IGF2BP2: variants seen among roughly 807,000 people sequenced by gnomAD.
The protein encoded by IGF2BP2 is insulin like growth factor 2 mRNA binding protein 2.
Under a neutral mutation model 75.8 loss-of-function variants are expected in IGF2BP2, and 17 were observed. That is an observed-to-expected ratio of 0.22 (90% confidence interval 0.15 to 0.34). IGF2BP2 has a LOEUF of 0.34. IGF2BP2 is among the 10% of genes least tolerant of loss of function. The pLI is 1.00. For missense variants in IGF2BP2, 516 were observed against 772.4 expected (o/e 0.67, Z 3.93); for synonymous variants, 288 against 295.6 (o/e 0.97, Z 0.26).
chr3:185,792,157 A>C (rs941128846), intron 2 of IGF2BP2, among the ~76,000 whole-genome samples: 3 of 152,334 alleles, frequency 2.0e-5, no homozygotes, highest in African/African-American at 7.2e-5. Flanking sequence ...TCACAGACAA[A>C]TCATCAAGTT....
At chr3:185,664,840 A>G (rs1717034198) in intron 10 of IGF2BP2, among the ~76,000 whole-genome samples, 1 of 152,196 alleles carries the variant, frequency 6.6e-6, no homozygotes, top group Non-Finnish European at 1.5e-5. Flanking sequence ...AGGAGAAAAT[A>G]AAGTGGATGG....
chr3:185,714,785 C>G (rs1351970892), intron 2 of IGF2BP2, among the ~76,000 whole-genome samples: 2 of 152,174 alleles, frequency 1.3e-5, no homozygotes, highest in African/African-American at 4.8e-5. Flanking sequence ...CCATCCCTAT[C>G]AAAAAGCAAA....
In IGF2BP2 at chr3:185,689,526, G is replaced by C; in HGVS notation, c.506C>G (p.Ala169Gly). The change falls in exon 6 of 16, where the codon GCC becomes GGC. Residue 169 changes from alanine to glycine, a missense_variant. By Grantham distance (60) the Ala-to-Gly change is moderately conservative. Transcript: ENST00000382199. ...EVSSPSPPQR[A>G]QRGDHSSREQ... ...CCGGGAAGAGTGGTCCCCACGCTGGGCTCGCTGAGGGGGCGAAGGGGAGCT... is the reference window on the plus strand; with the variant it reads ...CCGGGAAGAGTGGTCCCCACGCTGGCCTCGCTGAGGGGGCGAAGGGGAGCT... The C allele has an allele frequency of 6.2e-7, 1 of 1,614,216 alleles. No homozygotes were observed. Among genetic ancestry groups the C allele is most frequent in the South Asian group, 1.1e-5 (1 of 91,082 alleles).
chr3:185,799,681 G>A (rs1737933254), intron 2 of IGF2BP2, among the ~76,000 whole-genome samples: 1 of 152,054 alleles, frequency 6.6e-6, no homozygotes, highest in Non-Finnish European at 1.5e-5. Context: ...GAACCCAGGA[G>A]GCAGAGCTTG....
At chr3:185,669,576 G>C (rs1314240668) in intron 10 of IGF2BP2, among the ~76,000 whole-genome samples, 1 of 141,328 alleles carries the variant, frequency 7.1e-6, no homozygotes, top group East Asian at 2.2e-4. Flanking sequence ...AAAAAAAAAG[G>C]GGGGGGGGTA....
chr3:185,783,764 A>G (rs541446374), intron 2 of IGF2BP2, among the ~76,000 whole-genome samples: 1 of 152,310 alleles, frequency 6.6e-6, no homozygotes, highest in East Asian at 1.9e-4. Context: ...TCCCCAGTTT[A>G]TTATAAAGGA....
At chr3:185,802,818 C>G (rs1220782864) in intron 2 of IGF2BP2, among the ~76,000 whole-genome samples, 1 of 152,122 alleles carries the variant, frequency 6.6e-6, no homozygotes, top group Admixed American at 6.5e-5. Flanking sequence ...TGAGAACATC[C>G]ACAAACACTT....
intron 2 of IGF2BP2, among the ~76,000 whole-genome samples, chr3:185,752,070 A>G (rs2149637659): frequency 6.6e-6 from 1 of 152,294 alleles, no homozygotes; most frequent in South Asian, 2.1e-4. Flanking sequence ...AATCTTCTTC[A>G]CTTAGTATAT....
intron 2 of IGF2BP2, among the ~76,000 whole-genome samples, chr3:185,791,247 A>G (rs1736605423): frequency 6.6e-6 from 1 of 152,258 alleles, no homozygotes; most frequent in African/African-American, 2.4e-5. Context: ...TAAAAAGATC[A>G]ATAAATAAAT....
At chr3:185,654,082 T>C (rs1715040611) in intron 12 of IGF2BP2, among the ~76,000 whole-genome samples, 2 of 152,162 alleles carry the variant, frequency 1.3e-5, no homozygotes, top group South Asian at 4.1e-4. Context: ...CAAGACATGC[T>C]CAGACCCTGT....
rs1274066832 is a variant in IGF2BP2 at position 185,664,595 on chromosome 3, C to A, written c.1201-6186G>T. On this transcript the variant is annotated intron_variant, in intron 10 of 15. Transcript: ENST00000382199. ...AGTGCTTCAATAATTTGTATATAGA[C>A]TGCTATGAGAAATGAACAATCAGAG... is the stretch of plus-strand genomic sequence containing the variant. Among the ~76,000 whole-genome samples, 3 of 152,218 alleles carry A rather than the reference C, an allele frequency of 2.0e-5. No individual in the cohort carries two copies. In the East Asian group the frequency reaches 5.8e-4, roughly 29 times the overall value.
At chr3:185,723,024 A>G (rs1028179098) in intron 2 of IGF2BP2, among the ~76,000 whole-genome samples, 3 of 152,214 alleles carry the variant, frequency 2.0e-5, no homozygotes, top group Non-Finnish European at 4.4e-5. Flanking sequence ...TTGCTAAATA[A>G]GAGTTGAAAA....
At chr3:185,722,498 T>C (rs1211677157) in intron 2 of IGF2BP2, 2 of 296,202 alleles carry the variant, frequency 6.8e-6, no homozygotes, top group Non-Finnish European at 1.3e-5. Context: ...TTTATGTCAT[T>C]TTGTGCTTTC....
chr3:185,706,953 G>A (rs1724109489), intron 2 of IGF2BP2, among the ~76,000 whole-genome samples: 1 of 151,932 alleles, frequency 6.6e-6, no homozygotes, highest in South Asian at 2.1e-4. Context: ...TGTTGCCTAG[G>A]CTGATCTCAA....
chr3:185,671,819 T>C (rs903042960), intron 10 of IGF2BP2, among the ~76,000 whole-genome samples: 2 of 152,254 alleles, frequency 1.3e-5, no homozygotes, highest in Non-Finnish European at 2.9e-5. Context: ...TTAAACAGCA[T>C]AAACATTGGG....
At chr3:185,742,204 A>C (rs972441987) in intron 2 of IGF2BP2, among the ~76,000 whole-genome samples, 1 of 151,434 alleles carries the variant, frequency 6.6e-6, no homozygotes, top group Non-Finnish European at 1.5e-5. Flanking sequence ...AAAAAAAAAA[A>C]ATTAGCCGGC....
intron 2 of IGF2BP2, among the ~76,000 whole-genome samples, chr3:185,753,029 C>G (rs534690526): frequency 6.6e-6 from 1 of 152,184 alleles, no homozygotes; most frequent in Non-Finnish European, 1.5e-5. Context: ...CTAAGCCTTA[C>G]AAGATACATT....
intron 2 of IGF2BP2, among the ~76,000 whole-genome samples, chr3:185,706,888 G>A (rs144131977): frequency 2.3e-4 from 35 of 151,674 alleles, no homozygotes; most frequent in African/African-American, 7.7e-4. Flanking sequence ...TGACAGGAGC[G>A]CACCACCACG....
chr3:185,819,633 G>A (rs1188958093), intron 2 of IGF2BP2, among the ~76,000 whole-genome samples: 1 of 151,744 alleles, frequency 6.6e-6, no homozygotes, highest in Non-Finnish European at 1.5e-5. Flanking sequence ...CAAATCAAAA[G>A]TAACCTTACA....
Sources: allele counts gnomAD v4.1 joint callset (sites outside exome capture counted in the v4.1 genomes callset), GRCh38; gene constraint gnomAD v4.1.1; transcripts MANE v1.5; gene names NCBI Gene and HGNC (gene_info 2026-07-23, HGNC 2026-07-21).